Variants in SHANK2 observed in about 807,000 individuals in gnomAD.
SHANK2 encodes SH3 and multiple ankyrin repeat domains 2, also known as SH3 and multiple ankyrin repeat domains protein 2.
In SHANK2, 43 loss-of-function variants were observed where a neutral mutation model predicts 133.7. The ratio of observed to expected loss-of-function variants is 0.32; its 90% CI spans 0.25 to 0.41. SHANK2 has a LOEUF of 0.41. Among genes scored for constraint, SHANK2 ranks in the 10% least tolerant of loss-of-function variants. The pLI is 1.00. For synonymous variants in SHANK2, 1,017 were observed against 952.8 expected (o/e 1.07, Z -1.24); for missense variants, 1,994 against 2,235.8 (o/e 0.89, Z 2.18).
intron 13 of SHANK2, among the ~76,000 whole-genome samples, chr11:70,799,760 G>A (rs1948002801): frequency 6.6e-6 from 1 of 152,338 alleles, no homozygotes; most frequent in Non-Finnish European, 1.5e-5. Flanking sequence ...GGTGGAAGTT[G>A]CTGAGTCCAG....
chr11:70,729,299 A>G (rs536038337), intron 14 of SHANK2, among the ~76,000 whole-genome samples: 2 of 150,984 alleles, frequency 1.3e-5, no homozygotes, highest in South Asian at 4.2e-4. Context: ...GAAGCCAGAC[A>G]CCAAGGGCTC....
At chr11:70,688,688 G>A (rs531020447) in intron 15 of SHANK2, among the ~76,000 whole-genome samples, 2 of 152,282 alleles carry the variant, frequency 1.3e-5, no homozygotes, top group East Asian at 3.9e-4. Flanking sequence ...TCTTGTCATG[G>A]GGCTGGCAGG....
intron 14 of SHANK2, among the ~76,000 whole-genome samples, chr11:70,787,712 C>G (rs1178140989): frequency 1.3e-5 from 2 of 152,076 alleles, no homozygotes; most frequent in African/African-American, 2.4e-5. Context: ...ATCATTACCA[C>G]CACCACCACC....
intron 17 of SHANK2, among the ~76,000 whole-genome samples, chr11:70,550,824 G>C (rs1414940057): frequency 6.6e-6 from 1 of 152,220 alleles, no homozygotes; most frequent in Non-Finnish European, 1.5e-5. Flanking sequence ...GGAGGGCCCA[G>C]AGGTGGTGGA....
At chr11:70,918,250 G>A (rs1221150253) in intron 10 of SHANK2, among the ~76,000 whole-genome samples, 4 of 152,172 alleles carry the variant, frequency 2.6e-5, no homozygotes, top group African/African-American at 9.7e-5. Flanking sequence ...AGGGAAGAAA[G>A]GTCACTAGAC....
intron 10 of SHANK2, among the ~76,000 whole-genome samples, chr11:70,930,780 C>T (rs543466537): frequency 6.6e-6 from 1 of 150,676 alleles, no homozygotes; most frequent in African/African-American, 2.4e-5. Flanking sequence ...AAGCAATCCT[C>T]CTGCCTCACC....
In SHANK2 at chr11:70,486,629, C is replaced by T. The variant is rs1555153741; in HGVS notation, c.3664G>A (p.Ala1222Thr). 6 of 1,613,120 alleles carry T rather than the reference C, an allele frequency of 3.7e-6. No individual in the cohort carries two copies. Among genetic ancestry groups the T allele is most frequent in the East Asian group, 2.2e-5 (1 of 44,868 alleles). Residue 1222 changes from alanine (A) to threonine (T), a missense_variant, in exon 25 of 26, where the codon GCA (alanine) becomes ACA (threonine). This residue lies in a region of SHANK2 where 797 missense variants were observed against 907.4 expected (regional missense o/e 0.88). Transcript: ENST00000601538. This position sits in a 1 kb window ranked among gnomAD's most constrained non-coding sequence, Gnocchi z 8.0. Reference sequence around the variant, plus strand: ...GACTCCTTCATGGCTCGGTCCCTTGCGGAGAGTGCCAGGGCCAGCGGGGAG... The same window carrying T: ...GACTCCTTCATGGCTCGGTCCCTTGTGGAGAGTGCCAGGGCCAGCGGGGAG... ...PSSPLALALS[A>T]RDRAMKESQQ...
intron 21 of SHANK2, among the ~76,000 whole-genome samples, chr11:70,498,676 G>C (rs961927220): frequency 6.6e-6 from 1 of 152,204 alleles, no homozygotes; most frequent in Non-Finnish European, 1.5e-5. Flanking sequence ...TAAAGCCAGC[G>C]GGGACAGACC....
chr11:70,768,771 G>A (rs1428966282), intron 14 of SHANK2, among the ~76,000 whole-genome samples: 11 of 152,314 alleles, frequency 7.2e-5, no homozygotes, highest in Non-Finnish European at 1.2e-4. Context: ...GGGCAGTGGT[G>A]GCTGCAGGGG....
intron 17 of SHANK2, among the ~76,000 whole-genome samples, chr11:70,519,301 G>A (rs535094694): frequency 3.9e-5 from 6 of 152,280 alleles, no homozygotes; most frequent in Admixed American, 2.6e-4. Context: ...CCGGATACTC[G>A]CCTTTCATCA....
chr11:70,932,405 C>G (rs1221014342), intron 10 of SHANK2, among the ~76,000 whole-genome samples: 1 of 152,270 alleles, frequency 6.6e-6, no homozygotes, highest in Non-Finnish European at 1.5e-5. Context: ...AGCAGCAGGA[C>G]TCTGCTGGGT....
intron 8 of SHANK2, among the ~76,000 whole-genome samples, chr11:71,078,998 GC>G (rs1951256116): frequency 6.6e-6 from 1 of 152,192 alleles, no homozygotes; most frequent in African/African-American, 2.4e-5. Context: ...CCTGGGCTAA[GC>G]CCCCATTTTT....
At chr11:71,138,093 C>G (rs548838539) in intron 3 of SHANK2, among the ~76,000 whole-genome samples, 2 of 148,704 alleles carry the variant, frequency 1.3e-5, no homozygotes, top group South Asian at 4.4e-4. Flanking sequence ...GCAAAGCACC[C>G]GAACACAGCT....
intron 14 of SHANK2, among the ~76,000 whole-genome samples, chr11:70,730,634 T>G (rs1946268318): frequency 6.6e-6 from 1 of 152,128 alleles, no homozygotes; most frequent in Admixed American, 6.5e-5. Flanking sequence ...TCCCTGCAGA[T>G]GAGCAGCCAG....
chr11:71,243,877 A>C (rs1288617911), intron 1 of SHANK2, among the ~76,000 whole-genome samples: 1 of 152,214 alleles, frequency 6.6e-6, no homozygotes, highest in Non-Finnish European at 1.5e-5. Flanking sequence ...CAATAATTTT[A>C]AAAGTTTTCA....
intron 17 of SHANK2, among the ~76,000 whole-genome samples, chr11:70,618,296 G>GA (rs33915522): frequency 0.095 from 10,637 of 112,012 alleles, 531 homozygotes; most frequent in African/African-American, 0.11. Flanking sequence ...CTCGGTCTCA[G>GA]AAAAAAAAAA....
At chr11:70,526,825 G>A (rs1185680906) in intron 17 of SHANK2, among the ~76,000 whole-genome samples, 1 of 146,114 alleles carries the variant, frequency 6.8e-6, no homozygotes, top group African/African-American at 2.6e-5. Context: ...CCTATCATGT[G>A]CTGCCGACCT....
intron 2 of SHANK2, among the ~76,000 whole-genome samples, chr11:71,187,924 C>G (rs1230133327): frequency 1.3e-5 from 2 of 152,194 alleles, no homozygotes; most frequent in Non-Finnish European, 2.9e-5. Context: ...TGCCGGGTGG[C>G]CTTCCCTGCA....
chr11:71,157,216 G>A (rs1952924244), intron 2 of SHANK2, among the ~76,000 whole-genome samples: 1 of 152,082 alleles, frequency 6.6e-6, no homozygotes, highest in Non-Finnish European at 1.5e-5. Context: ...GGGAAATAAC[G>A]GCTACTTCAC....
Sources: allele counts gnomAD v4.1 joint callset (sites outside exome capture counted in the v4.1 genomes callset), GRCh38; gene constraint gnomAD v4.1.1; regional missense constraint gnomAD v4.1.1; non-coding constraint Gnocchi (gnomAD v3.1); transcripts MANE v1.5; gene names NCBI Gene and HGNC (gene_info 2026-07-23, HGNC 2026-07-21).